The following SPTLC3 variants were observed in gnomAD, a reference collection of about 807,000 sequenced individuals.
SPTLC3 encodes serine palmitoyltransferase 3.
A neutral mutation model predicts 59.3 loss-of-function variants in SPTLC3; 36 were observed. That is an observed-to-expected ratio of 0.61 (90% CI 0.47 to 0.80). The LOEUF is 0.80. Among genes scored for constraint, SPTLC3 ranks in the 30% least tolerant of loss-of-function variants. The pLI, the probability that SPTLC3 is intolerant of heterozygous loss-of-function variation, is 0.00. For missense variants in SPTLC3, 625 were observed against 685.1 expected, an observed-to-expected ratio of 0.91 and a Z score of 0.98; for synonymous variants, 257 against 240.8, an observed-to-expected ratio of 1.07 and a Z score of -0.62.
chr20:13,090,510 A>G (rs780707299), intron 4 of SPTLC3, among the ~76,000 whole-genome samples: 2 of 152,220 alleles, frequency 1.3e-5, no homozygotes, highest in Non-Finnish European at 2.9e-5. Flanking sequence ...TAGAGTAAAA[A>G]GAGAGAAGAA....
intron 2 of SPTLC3, among the ~76,000 whole-genome samples, chr20:13,071,354 C>T (rs3843770): frequency 0.22 from 33,154 of 152,038 alleles, 3,806 homozygotes; most frequent in African/African-American, 0.29. Flanking sequence ...TCCTAGAAAA[C>T]GTAGCATTCC....
chr20:13,111,866 T>G (rs1990250893), intron 7 of SPTLC3, among the ~76,000 whole-genome samples: 1 of 152,198 alleles, frequency 6.6e-6, no homozygotes, highest in Non-Finnish European at 1.5e-5. Context: ...AGTAGACAAC[T>G]GGCATTTTAC....
chr20:13,065,188 A>T (rs556798287), intron 2 of SPTLC3, among the ~76,000 whole-genome samples: 1 of 151,496 alleles, frequency 6.6e-6, no homozygotes, highest in South Asian at 2.1e-4. Context: ...ACTCCTCTAA[A>T]CTTACTTTTT....
intron 2 of SPTLC3, among the ~76,000 whole-genome samples, chr20:13,067,306 G>T (rs542320744): frequency 6.6e-4 from 100 of 152,120 alleles, no homozygotes; most frequent in African/African-American, 2.2e-3. Context: ...AATAGAAAGA[G>T]GATGAAGGGA....
At chr20:13,164,589 T>G in intron 11 of SPTLC3, 165 bp from the exon 12 acceptor site, 1 of 622,592 alleles carries the variant, frequency 1.6e-6, no homozygotes, top group South Asian at 2.0e-5. Context: ...TCTAGGGTCT[T>G]AAACCACAAC....
chr20:13,142,907 C>CCT (rs60555138), intron 9 of SPTLC3, among the ~76,000 whole-genome samples: 24 of 151,670 alleles, frequency 1.6e-4, no homozygotes, highest in African/African-American at 5.1e-4. Context: ...AAATACCCCG[C>CCT]CTCTCTCTCT....
Position 13,104,833 on chromosome 20 carries a change from C to G in SPTLC3, c.827-5279C>G, listed in dbSNP as rs539159233. Among the ~76,000 whole-genome samples the G allele has an allele frequency of 7.2e-5, 11 of 152,194 alleles. No homozygotes were observed. In the South Asian group the frequency reaches 2.3e-3, roughly 32 times the overall value. On this transcript the variant is annotated intron_variant, in intron 6 of 11. Coordinates refer to ENST00000399002, the MANE Select transcript of SPTLC3 (RefSeq NM_018327.4). ...TCTCAGAATTTTCTTATTAAATCAA[C>G]AAGAACAGGTTTGTTTGGAGGGCTT...
In SPTLC3 at chr20:13,072,381, G is replaced by A. The variant is rs1317193359; in HGVS notation, c.429G>A (p.Arg143=). 1.2e-6 allele frequency: 2 copies of A among 1,608,874 alleles called. No homozygotes were observed. The highest frequency in any genetic ancestry group is 3.4e-5 in the Admixed American group (2 of 58,838). ...GGCCTCTGTTTGATTTGATGGAGAG[G>A]GTATCAGACGACTATAACTGGACGT... is the stretch of plus-strand genomic sequence containing the variant. ...APGPLFDLME[R]VSDDYNWTFR... The change falls in exon 3 of 12, where the codon AGG becomes AGA. Residue 143 remains arginine (R), a synonymous_variant. Coordinates refer to ENST00000399002, the MANE Select transcript of SPTLC3 (RefSeq NM_018327.4).
chr20:13,024,337 A>G (rs926129927), intron 1 of SPTLC3, among the ~76,000 whole-genome samples: 6 of 152,108 alleles, frequency 3.9e-5, no homozygotes, highest in African/African-American at 1.4e-4. Context: ...CTAAATAAAT[A>G]TTCATATATC....
chr20:13,145,913 A>G (rs1301835916), intron 9 of SPTLC3, among the ~76,000 whole-genome samples: 1 of 152,188 alleles, frequency 6.6e-6, no homozygotes, highest in African/African-American at 2.4e-5. Flanking sequence ...TTAATAAATA[A>G]TCAGCATCAT....
chr20:13,064,880 T>A (rs1030863344), intron 2 of SPTLC3, among the ~76,000 whole-genome samples: 1 of 152,334 alleles, frequency 6.6e-6, no homozygotes, highest in Middle Eastern at 3.4e-3. Context: ...TTTATAATTT[T>A]CTTTATAAAA....
intron 8 of SPTLC3, among the ~76,000 whole-genome samples, chr20:13,119,900 T>A (rs1369982931): frequency 1.3e-5 from 2 of 152,214 alleles, no homozygotes; most frequent in Non-Finnish European, 2.9e-5. Context: ...TGTGGAATGA[T>A]TTTGGTCAGA....
At chr20:13,059,404 A>G (rs539096148) in intron 2 of SPTLC3, among the ~76,000 whole-genome samples, 1 of 152,186 alleles carries the variant, frequency 6.6e-6, no homozygotes, top group Non-Finnish European at 1.5e-5. Flanking sequence ...ACAGATACAC[A>G]TTAAAGTTTG....
chr20:13,076,969 C>T (rs961594250), intron 4 of SPTLC3, among the ~76,000 whole-genome samples: 4 of 152,126 alleles, frequency 2.6e-5, no homozygotes, highest in African/African-American at 9.7e-5. Flanking sequence ...CCAGACACAT[C>T]TGTACAGAAG....
At chr20:13,062,566 T>A (rs1213277131) in intron 2 of SPTLC3, among the ~76,000 whole-genome samples, 2 of 152,240 alleles carry the variant, frequency 1.3e-5, no homozygotes, top group Non-Finnish European at 2.9e-5. Flanking sequence ...AGCCACTTCT[T>A]AAACTAATGT....
intron 6 of SPTLC3, among the ~76,000 whole-genome samples, chr20:13,102,137 C>G (rs760914146): frequency 2.6e-5 from 4 of 152,104 alleles, no homozygotes; most frequent in Admixed American, 2.0e-4. Context: ...AACAAGGGCT[C>G]GAGAGGTTGT....
At chr20:13,056,183 C>CAA (rs1398423257) in intron 2 of SPTLC3, among the ~76,000 whole-genome samples, 1 of 152,176 alleles carries the variant, frequency 6.6e-6, no homozygotes, top group Non-Finnish European at 1.5e-5. Flanking sequence ...AGGAGAAATG[C>CAA]ATTGCATTAA....
chr20:13,125,899 A>G (rs2037978130), intron 8 of SPTLC3, among the ~76,000 whole-genome samples: 1 of 152,252 alleles, frequency 6.6e-6, no homozygotes. Context: ...TGGATTGCAA[A>G]GATGCATGGG....
chr20:13,168,970 T>C lies in SPTLC3; in HGVS notation c.*4103T>C, dbSNP rs1205596599. 6.6e-6 allele frequency: 1 copy of C among 151,432 alleles called. No homozygotes were observed. Among genetic ancestry groups the C allele is most frequent in the Non-Finnish European group, 1.5e-5 (1 of 67,834 alleles). 9.4% of individuals were successfully genotyped at this position (151,432 alleles called of 1,614,324 possible). A position where few individuals can be genotyped will look rare whatever the true frequency, so the allele number is the denominator to read the frequency against. On this transcript the variant is annotated 3_prime_UTR_variant, in exon 12 of 12. Transcript: ENST00000399002. The stretch of plus-strand genomic sequence containing the variant: ...GTGTGCATGTGTGTGTGTGTGTGTG[T>C]GCATGTGTCTTTGTGTGTGTGAGAA...
Sources: gnomAD v4.1 joint callset for allele counts (sites outside exome capture counted in the v4.1 genomes callset) on GRCh38, gnomAD v4.1.1 for gene constraint, MANE v1.5 for transcripts, NCBI Gene and HGNC (gene_info 2026-07-23, HGNC 2026-07-21) for gene names.